RTN3: variants seen among roughly 807,000 people sequenced by gnomAD.
RTN3 encodes reticulon-3.
In RTN3, 49 loss-of-function variants were observed where a neutral mutation model predicts 77.8. That is an observed-to-expected ratio of 0.63 (90% confidence interval 0.50 to 0.80). RTN3 has a LOEUF of 0.80. Among genes scored for constraint, RTN3 ranks in the 30% least tolerant of loss-of-function variants. The pLI, the probability that RTN3 is intolerant of heterozygous loss-of-function variation, is 0.00. For missense variants in RTN3, 1,236 were observed against 1,211.9 expected (o/e 1.02, Z -0.29); for synonymous variants, 464 against 446.9 (o/e 1.04, Z -0.48).
intron 3 of RTN3, among the ~76,000 whole-genome samples, chr11:63,728,606 G>A (rs2012442693): frequency 1.3e-5 from 2 of 151,960 alleles, no homozygotes; most frequent in South Asian, 4.2e-4. Flanking sequence ...AGCTAGAGAA[G>A]AGGCTGGGCG....
chr11:63,714,262 T>C (rs1240093377), intron 2 of RTN3: 5 of 347,328 alleles, frequency 1.4e-5, no homozygotes, highest in Non-Finnish European at 2.3e-5. Flanking sequence ...TGCTACCTTA[T>C]TTTTCTACAT....
At chr11:63,699,915 G>A (rs1942151624) in intron 1 of RTN3, among the ~76,000 whole-genome samples, 1 of 152,146 alleles carries the variant, frequency 6.6e-6, no homozygotes, top group Non-Finnish European at 1.5e-5. Flanking sequence ...TGGCATTTGA[G>A]GATTAAGATC....
chr11:63,739,997 G>A (rs960353320), intron 3 of RTN3, among the ~76,000 whole-genome samples: 8 of 151,916 alleles, frequency 5.3e-5, no homozygotes, highest in African/African-American at 1.9e-4. Context: ...GGAATTTGAG[G>A]GGCTGAGATG....
intron 3 of RTN3, among the ~76,000 whole-genome samples, chr11:63,724,344 G>T (rs184346444): frequency 6.6e-6 from 1 of 150,514 alleles, no homozygotes; most frequent in African/African-American, 2.4e-5. Flanking sequence ...TACCACGCCC[G>T]GCTAATTTTT....
At chr11:63,734,126 A>T (rs1217260092) in intron 3 of RTN3, among the ~76,000 whole-genome samples, 1 of 152,184 alleles carries the variant, frequency 6.6e-6, no homozygotes, top group Non-Finnish European at 1.5e-5. Flanking sequence ...CTTAATACTG[A>T]AATGCTGAAC....
At chr11:63,682,827 G>T (rs1941133112) in intron 1 of RTN3, among the ~76,000 whole-genome samples, 1 of 152,006 alleles carries the variant, frequency 6.6e-6, no homozygotes, top group Admixed American at 6.6e-5. Flanking sequence ...CAGTGCAGAT[G>T]CCTTCTTAAG....
At position 63,681,591 on chromosome 11, in the gene RTN3, G is replaced by T. The variant is rs1941039157; in HGVS notation, c.-46G>T. 6.5e-7 allele frequency: 1 copy of T among 1,533,038 alleles called. No homozygotes were observed. Among genetic ancestry groups the T allele is most frequent in the Non-Finnish European group, 8.8e-7 (1 of 1,137,844 alleles). The allele number at this position is 1,533,038 out of a possible 1,614,324, so 95.0% of individuals were successfully genotyped here. A position where few individuals can be genotyped will look rare whatever the true frequency, so the allele number is the denominator to read the frequency against. On this transcript the variant is annotated 5_prime_UTR_variant, in exon 1 of 9. Transcript: ENST00000377819. Reference sequence around the variant, plus strand: ...ATTCTATTTCCCCTCCCTCTCTCCCGCCCCGTATCTCTTTTCACCCTTCTC... The same window carrying T: ...ATTCTATTTCCCCTCCCTCTCTCCCTCCCCGTATCTCTTTTCACCCTTCTC...
intron 1 of RTN3, among the ~76,000 whole-genome samples, chr11:63,702,037 A>G (rs1423249521): frequency 2.0e-5 from 3 of 152,194 alleles, no homozygotes; most frequent in African/African-American, 7.2e-5. Context: ...ATTTGAAACT[A>G]AATAGTTTTC....
chr11:63,709,595 AAAG>A (rs527650124), intron 2 of RTN3, among the ~76,000 whole-genome samples: 173 of 152,182 alleles, frequency 1.1e-3, no homozygotes, highest in African/African-American at 4.0e-3. Flanking sequence ...AAAAAAAAAA[AAAG>A]AAAAACATTT....
chr11:63,715,886 C>G (rs147530378), intron 2 of RTN3, among the ~76,000 whole-genome samples: 24 of 152,294 alleles, frequency 1.6e-4, no homozygotes, highest in Admixed American at 1.2e-3. Flanking sequence ...ATCTGTAGTA[C>G]TTCACACTTC....
chr11:63,695,360 G>A (rs1195995283), intron 1 of RTN3, among the ~76,000 whole-genome samples: 1 of 152,002 alleles, frequency 6.6e-6, no homozygotes, highest in East Asian at 1.9e-4. Context: ...AGTTATGTTA[G>A]CTATAAATGA....
intron 3 of RTN3, among the ~76,000 whole-genome samples, chr11:63,741,366 C>T (rs2013467134): frequency 6.6e-6 from 1 of 151,458 alleles, no homozygotes. Flanking sequence ...CCACGCCTGG[C>T]TAATTTTGTA....
intron 2 of RTN3, among the ~76,000 whole-genome samples, chr11:63,705,910 G>A (rs1168964264): frequency 6.6e-6 from 1 of 152,200 alleles, no homozygotes; most frequent in African/African-American, 2.4e-5. Context: ...TAATAATAAA[G>A]TATTATTTCA....
chr11:63,700,176 T>A (rs546500921), intron 1 of RTN3, among the ~76,000 whole-genome samples: 1 of 152,150 alleles, frequency 6.6e-6, no homozygotes, highest in Non-Finnish European at 1.5e-5. Context: ...TTTTCAGGTT[T>A]GTTGGGATTT....
At chr11:63,716,203 T>C (rs2011389287) in intron 2 of RTN3, among the ~76,000 whole-genome samples, 1 of 152,200 alleles carries the variant, frequency 6.6e-6, no homozygotes, top group South Asian at 2.1e-4. Flanking sequence ...AGGGGAACTT[T>C]ATATGGCATT....
At position 63,756,303 on chromosome 11, in the gene RTN3, A is replaced by G. The variant is rs1428661739; in HGVS notation, c.3053+133A>G. The G allele has an allele frequency of 1.1e-5, 7 of 617,484 alleles. No homozygotes were observed. In the Admixed American group the frequency reaches 1.2e-4, roughly 11 times the overall value. 38.3% of individuals were successfully genotyped at this position (617,484 alleles called of 1,614,324 possible). On this transcript the variant is annotated intron_variant, in intron 8 of 8. Coordinates refer to ENST00000377819, the MANE Select transcript of RTN3 (RefSeq NM_001265589.2). ...GATAAAAACCTTAGTTAATAGTTTC[A>G]TTTTACTAAAAATTATTATAGCTGC...
At chr11:63,747,153 G>A in intron 3 of RTN3, 1 of 387,632 alleles carries the variant, frequency 2.6e-6, no homozygotes, top group South Asian at 1.9e-5. Flanking sequence ...TACATGTTTT[G>A]GGCGGGAATA....
At chr11:63,752,935 C>G (rs2014181581) in intron 5 of RTN3, 134 bp from the exon 6 acceptor site, 1 of 920,022 alleles carries the variant, frequency 1.1e-6, no homozygotes. Context: ...AGTAGGGAAC[C>G]TTCATTTGGA....
In RTN3 at chr11:63,720,686, C is replaced by A; in HGVS notation, c.2184C>A (p.Thr728=). 1 of 1,614,074 alleles carries A rather than the reference C, an allele frequency of 6.2e-7. No individual in the cohort carries two copies. Among genetic ancestry groups the A allele is most frequent in the Non-Finnish European group, 8.5e-7 (1 of 1,179,994 alleles). Residue 728 remains threonine (T), a synonymous_variant, in exon 3 of 9, where the codon ACC becomes ACA. Transcript: ENST00000377819. ...GTGAGCCTCTAGGTGTTTTCCCTAC[C>A]CAAGGTACTCCAGTAGCATCTCTTG... ...NGSEPLGVFP[T]QGTPVASLDL... is the part of the protein sequence containing the mutation.
Sources: allele counts gnomAD v4.1 joint callset (sites outside exome capture counted in the v4.1 genomes callset), GRCh38; gene constraint gnomAD v4.1.1; transcripts MANE v1.5; gene names NCBI Gene and HGNC (gene_info 2026-07-23, HGNC 2026-07-21).